CNTN4: variants seen among roughly 807,000 people sequenced by gnomAD.
CNTN4 encodes contactin-4.
CNTN4 carries 77 observed loss-of-function variants against 122.5 expected under a neutral mutation model. The observed-to-expected ratio is 0.63, with a 90% CI of 0.52 to 0.76. The LOEUF is 0.76. Among genes scored for constraint, CNTN4 ranks in the 30% least tolerant of loss-of-function variants. The probability of loss-of-function intolerance (pLI) is 0.00; values close to 1 mark genes in which losing one functional copy is unlikely to be tolerated. For synonymous variants in CNTN4, 512 were observed against 447.0 expected, an observed-to-expected ratio of 1.15 and a Z score of -1.83; for missense variants, 1,256 against 1,259.1, an observed-to-expected ratio of 1.00 and a Z score of 0.04.
chr3:2,414,269 G>T (rs969579318), intron 3 of CNTN4, among the ~76,000 whole-genome samples: 1 of 152,148 alleles, frequency 6.6e-6, no homozygotes, highest in African/African-American at 2.4e-5. Context: ...CCTTCTTTGG[G>T]AGTAAATTTT....
At chr3:2,636,701 C>T (rs1004893760) in intron 4 of CNTN4, among the ~76,000 whole-genome samples, 12 of 152,010 alleles carry the variant, frequency 7.9e-5, no homozygotes, top group African/African-American at 2.4e-4. Context: ...CACCAATTAC[C>T]AATAGAGGTA....
chr3:2,180,732 C>T (rs555929809), intron 2 of CNTN4, among the ~76,000 whole-genome samples: 2 of 152,046 alleles, frequency 1.3e-5, no homozygotes, highest in Non-Finnish European at 2.9e-5. Context: ...TTGACTATCA[C>T]GCACACTTAC....
chr3:2,375,541 G>T (rs973007484), intron 3 of CNTN4, among the ~76,000 whole-genome samples: 1 of 152,094 alleles, frequency 6.6e-6, no homozygotes, highest in African/African-American at 2.4e-5. Context: ...ATCCTACTCT[G>T]CTTTCTCTGG....
intron 4 of CNTN4, among the ~76,000 whole-genome samples, chr3:2,702,729 T>G (rs570396328): frequency 1.3e-5 from 2 of 150,604 alleles, no homozygotes; most frequent in South Asian, 4.2e-4. Context: ...CTGAAGCACA[T>G]GGTGCATATT....
At chr3:2,627,679 G>C (rs981961612) in intron 4 of CNTN4, among the ~76,000 whole-genome samples, 17 of 151,806 alleles carry the variant, frequency 1.1e-4, no homozygotes, top group East Asian at 7.8e-4. Context: ...ATTTTTAGTA[G>C]AGACGGGGTT....
chr3:2,773,052 C>G (rs185396591), intron 6 of CNTN4, among the ~76,000 whole-genome samples: 1 of 151,928 alleles, frequency 6.6e-6, no homozygotes, highest in Non-Finnish European at 1.5e-5. Context: ...TTTGCCAGAG[C>G]GGTTTCATGG....
At chr3:2,357,289 C>G (rs1405907306) in intron 3 of CNTN4, among the ~76,000 whole-genome samples, 2 of 152,166 alleles carry the variant, frequency 1.3e-5, no homozygotes, top group African/African-American at 4.8e-5. Flanking sequence ...CAGACCTGAA[C>G]AAAATGAACT....
At chr3:2,823,797 A>G (rs1219756719) in intron 7 of CNTN4, among the ~76,000 whole-genome samples, 1 of 152,194 alleles carries the variant, frequency 6.6e-6, no homozygotes, top group Non-Finnish European at 1.5e-5. Context: ...CTGTTCATCA[A>G]GAGAGGTTTT....
intron 6 of CNTN4, among the ~76,000 whole-genome samples, chr3:2,755,659 C>G (rs2090301698): frequency 6.6e-6 from 1 of 152,108 alleles, no homozygotes; most frequent in African/African-American, 2.4e-5. Context: ...TGTATACTTT[C>G]TTTTGGTCAT....
intron 3 of CNTN4, among the ~76,000 whole-genome samples, chr3:2,515,499 TA>T (rs1327743477): frequency 2.0e-5 from 3 of 152,070 alleles, no homozygotes; most frequent in African/African-American, 7.2e-5. Flanking sequence ...TATGGAAAAA[TA>T]AAAGGCATAC....
intron 6 of CNTN4, among the ~76,000 whole-genome samples, chr3:2,795,893 A>G (rs2092161941): frequency 6.6e-6 from 1 of 152,208 alleles, no homozygotes; most frequent in East Asian, 1.9e-4. Flanking sequence ...AAAAAGAAAT[A>G]AAAATATATA....
At chr3:2,697,390 C>T (rs1051127624) in intron 4 of CNTN4, among the ~76,000 whole-genome samples, 1 of 152,166 alleles carries the variant, frequency 6.6e-6, no homozygotes, top group African/African-American at 2.4e-5. Context: ...GAGCATCCGT[C>T]TCTGTCTCCC....
At chr3:2,691,044 C>G (rs2085710606) in intron 4 of CNTN4, among the ~76,000 whole-genome samples, 1 of 152,054 alleles carries the variant, frequency 6.6e-6, no homozygotes, top group Non-Finnish European at 1.5e-5. Context: ...TCAGCTTTGC[C>G]CTTGTGATCT....
At chr3:2,927,293 C>G (rs548005573) in intron 13 of CNTN4, 1 of 455,930 alleles carries the variant, frequency 2.2e-6, no homozygotes, top group African/African-American at 2.0e-5. Context: ...CTCTTTTGCA[C>G]CTAGTGTACA....
chr3:2,576,061 T>C (rs996070032), intron 4 of CNTN4, among the ~76,000 whole-genome samples: 1 of 152,114 alleles, frequency 6.6e-6, no homozygotes, highest in Admixed American at 6.6e-5. Flanking sequence ...GGTCTCGATC[T>C]CCTGACCTTG....
chr3:2,832,705 A>C (rs1433089423), intron 7 of CNTN4, among the ~76,000 whole-genome samples: 2 of 152,212 alleles, frequency 1.3e-5, no homozygotes, highest in Non-Finnish European at 2.9e-5. Context: ...AGAAAGCTCC[A>C]TTTTTGTTCC....
chr3:2,890,218 C>T (rs1245941783), intron 10 of CNTN4, among the ~76,000 whole-genome samples: 1 of 152,194 alleles, frequency 6.6e-6, no homozygotes, highest in Non-Finnish European at 1.5e-5. Flanking sequence ...TTCATTGTCA[C>T]AGCCACAGGA....
chr3:2,728,509 A>G (rs2088404727), intron 4 of CNTN4, among the ~76,000 whole-genome samples: 1 of 152,216 alleles, frequency 6.6e-6, no homozygotes, highest in Non-Finnish European at 1.5e-5. Flanking sequence ...CCAACAACCC[A>G]GCTTAGCAGA....
At chr3:2,429,287 T>C (rs1202506445) in intron 3 of CNTN4, among the ~76,000 whole-genome samples, 3 of 152,182 alleles carry the variant, frequency 2.0e-5, no homozygotes, top group Non-Finnish European at 2.9e-5. Context: ...TGTTTGTTAG[T>C]TTTCCTTCAA....
Sources: allele counts gnomAD v4.1 joint callset (sites outside exome capture counted in the v4.1 genomes callset), GRCh38; gene constraint gnomAD v4.1.1; transcripts MANE v1.5; gene names NCBI Gene and HGNC (gene_info 2026-07-23, HGNC 2026-07-21).